RPL30: variants seen among roughly 807,000 people sequenced by gnomAD.
RPL30 encodes ribosomal protein L30.
For missense variants in RPL30, 60 were observed against 138.0 expected (o/e 0.43, Z 2.83); for synonymous variants, 40 against 50.4 (o/e 0.79, Z 0.87).
At position 98,044,801 on chromosome 8, in the gene RPL30, G is replaced by A; in HGVS notation, c.167+142C>T. ...GGGGGTGGGTCGGGGAGACGGGAATGAAGGGCCAAACACCACAATCGCTAC... is the reference window on the plus strand; with the variant it reads ...GGGGGTGGGTCGGGGAGACGGGAATAAAGGGCCAAACACCACAATCGCTAC... On this transcript the variant is annotated intron_variant, in intron 3 of 4. Transcript: ENST00000287038. The A allele has an allele frequency of 6.4e-6, 6 of 934,646 alleles. 1 individual carries two copies. Among genetic ancestry groups the A allele is most frequent in the South Asian group, 3.3e-5 (2 of 60,158 alleles). The allele number at this position is 934,646 out of a possible 1,614,324, so 57.9% of individuals were successfully genotyped here. A position where few individuals can be genotyped will look rare whatever the true frequency, so the allele number is the denominator to read the frequency against.
rs764720881 is a variant in RPL30 at position 98,042,674 on chromosome 8, C to T, written c.269G>A (p.Arg90Lys). The T allele has an allele frequency of 6.2e-7, 1 of 1,612,262 alleles. No individual in the cohort carries two copies. The highest frequency in any genetic ancestry group is 1.1e-5 in the South Asian group (1 of 90,614). ...ELGTACGKYY[R>K]VCTLAIIDPG... ...ATCAATGATAGCCAGTGTGCACACT[C>T]TGTAGTATTTTCCGCATGCTGTGCC... is the stretch of plus-strand genomic sequence containing the variant. Residue 90 changes from arginine (R) to lysine (K), a missense_variant, in exon 4 of 5, where the codon AGA becomes AAA. Transcript: ENST00000287038.
At chr8:98,042,180 T>C (rs894854206) in intron 4 of RPL30, 8 of 573,496 alleles carry the variant, frequency 1.4e-5, no homozygotes, top group African/African-American at 7.4e-5. Flanking sequence ...TAGCCTGTCC[T>C]GACTATTACA....
chr8:98,042,868 T>A, intron 3 of RPL30, 93 bp from the exon 4 acceptor site: 1 of 1,246,772 alleles, frequency 8.0e-7, no homozygotes, highest in Non-Finnish European at 1.1e-6. Flanking sequence ...TTAATGTTGT[T>A]AAGGCCTTCA....
intron 4 of RPL30, chr8:98,042,133 T>C (rs904697448): frequency 3.2e-6 from 2 of 624,512 alleles, no homozygotes; most frequent in East Asian, 3.6e-5. Flanking sequence ...AGAACTAGGT[T>C]TGGGGACACA....
At chr8:98,044,660 G>GA in intron 3 of RPL30, 1 of 370,212 alleles carries the variant, frequency 2.7e-6, no homozygotes, top group Non-Finnish European at 4.8e-6. Flanking sequence ...AAAATACATG[G>GA]AAAAAACAGT....
intron 2 of RPL30, 37 bp downstream of exon 2, chr8:98,045,310 C>G: frequency 1.2e-6 from 2 of 1,613,982 alleles, no homozygotes; most frequent in Middle Eastern, 1.7e-4. Context: ...CATCTCTCCA[C>G]GTGAATCGTC....
Position 98,042,823 on chromosome 8 carries a change from T to C in RPL30, c.168-48A>G, listed in dbSNP as rs201062098. The C allele has an allele frequency of 2.0e-6, 3 of 1,506,494 alleles. No individual in the cohort carries two copies. In the East Asian group the frequency reaches 7.1e-5, roughly 36 times the overall value. The allele number at this position is 1,506,494 out of a possible 1,614,324, so 93.3% of individuals were successfully genotyped here. On this transcript the variant is annotated intron_variant, in intron 3 of 4. Transcript: ENST00000287038. ...ATAAATAAATGCGATACCAAGTGAC[T>C]GACAGACTAAATGTTACTACTTCTT...
At chr8:98,045,169 G>A (rs1170359165) in intron 2 of RPL30, 81 bp from the exon 3 acceptor site, 3 of 1,569,076 alleles carry the variant, frequency 1.9e-6, no homozygotes, top group Non-Finnish European at 2.6e-6. Flanking sequence ...TTGAAGCCGA[G>A]CCCCTTAAAC....
rs368598780 is a variant in RPL30 at position 98,045,097 on chromosome 8, C to T, written c.22-9G>A. 210 of 1,612,876 alleles carry T rather than the reference C, an allele frequency of 1.3e-4. No homozygotes were observed. In the African/African-American group the frequency reaches 2.6e-3, roughly 20 times the overall value. On this transcript the variant is annotated splice_polypyrimidine_tract_variant and intron_variant, in intron 2 of 4. Transcript: ENST00000287038. ...GACTCCAGCGACTTTTTCTACAAAG[C>T]AAACATTAAATACGGACCTAAGGGC...
At position 98,044,973 on chromosome 8, in the gene RPL30, A is replaced by G. The variant is rs1323417646; in HGVS notation, c.137T>C (p.Val46Ala). ...KMIRQGKAKL[V>A]ILANNCPALR... ...AGCTGGGCAGTTGTTAGCGAGAATGACCAATTTCGCTTTGCCTTGTCTGAT... is the reference window on the plus strand; with the variant it reads ...AGCTGGGCAGTTGTTAGCGAGAATGGCCAATTTCGCTTTGCCTTGTCTGAT... Residue 46 changes from valine to alanine, a missense_variant, in exon 3 of 5, where the codon GTC becomes GCC. Physicochemically the swap from Val to Ala is moderately conservative, Grantham distance 64 (BLOSUM62 0). Coordinates refer to ENST00000287038, the MANE Select transcript of RPL30 (RefSeq NM_000989.4). The G allele has an allele frequency of 1.2e-6, 2 of 1,613,752 alleles. No homozygotes were observed. The highest frequency in any genetic ancestry group is 3.3e-5 in the Admixed American group (2 of 59,984).
intron 4 of RPL30, 50 bp downstream of exon 4, chr8:98,042,590 GACATT>G: frequency 3.4e-6 from 5 of 1,478,784 alleles, no homozygotes; most frequent in South Asian, 1.2e-5. Context: ...TACTTGTCCA[GACATT>G]ACATTAGAAA....
chr8:98,041,865 TAAAAAA>T lies in RPL30; in HGVS notation c.299-21_299-16del, dbSNP rs746592489. 6.4e-7 allele frequency: 1 copy of T among 1,558,786 alleles called. No individual in the cohort carries two copies. The highest frequency in any genetic ancestry group is 1.2e-5 in the South Asian group (1 of 86,386). On this transcript the variant is annotated splice_polypyrimidine_tract_variant and intron_variant, in intron 4 of 4. Transcript: ENST00000287038. ...GTCAGAGTCACCTAAAAAATAAAAA[TAAAAAA>T]ACAGTAATTTTACAATTCATTTAAT... is the stretch of plus-strand genomic sequence containing the variant.
In RPL30 at chr8:98,044,830, A is replaced by G. The variant is rs939988868; in HGVS notation, c.167+113T>C. The G allele has an allele frequency of 5.8e-6, 7 of 1,200,962 alleles. No homozygotes were observed. In the African/African-American group the frequency reaches 9.1e-5, roughly 16 times the overall value. 74.4% of individuals were successfully genotyped at this position (1,200,962 alleles called of 1,614,324 possible). Reference sequence around the variant, plus strand: ...GGCCAAACACCACAATCGCTACCGTAATTATCCTGCAAGTGTTCGAGTTCA... The same window carrying G: ...GGCCAAACACCACAATCGCTACCGTGATTATCCTGCAAGTGTTCGAGTTCA... On this transcript the variant is annotated intron_variant, in intron 3 of 4. Coordinates refer to ENST00000287038, the MANE Select transcript of RPL30 (RefSeq NM_000989.4).
rs374951962 is a variant in RPL30, at chr8:98,041,861, A to G, written c.299-11T>C. ...TGATGTCAGAGTCACCTAAAAAATA[A>G]AAATAAAAAAACAGTAATTTTACAA... On this transcript the variant is annotated splice_polypyrimidine_tract_variant and intron_variant, in intron 4 of 4. Coordinates refer to ENST00000287038, the MANE Select transcript of RPL30 (RefSeq NM_000989.4). 1 of 1,572,444 alleles carries G rather than the reference A, an allele frequency of 6.4e-7. No homozygotes were observed. The highest frequency in any genetic ancestry group is 2.2e-5 in the East Asian group (1 of 44,602).
At chr8:98,043,984 G>A (rs899486064) in intron 3 of RPL30, 3 of 152,280 alleles carry the variant, frequency 2.0e-5, no homozygotes, top group Admixed American at 6.5e-5. Flanking sequence ...ATGGTGGCAG[G>A]TGCCTGTAAT....
intron 4 of RPL30, 200 bp downstream of exon 4, chr8:98,042,445 T>C: frequency 1.9e-6 from 1 of 536,330 alleles, no homozygotes; most frequent in East Asian, 3.4e-5. Flanking sequence ...GTAAAAATTT[T>C]AACTTATAAT....
intron 2 of RPL30, 57 bp downstream of exon 2, chr8:98,045,290 C>T: frequency 1.9e-6 from 3 of 1,613,170 alleles, no homozygotes; most frequent in South Asian, 1.1e-5. Context: ...TCTGCCCGCC[C>T]TGGCCAAGAC....
rs1449502167 is a variant in RPL30, at chr8:98,045,047, A to C, written c.63T>G (p.Val21=). 6.2e-7 allele frequency: 1 copy of C among 1,614,202 alleles called. No homozygotes were observed. Among genetic ancestry groups the C allele is most frequent in the African/African-American group, 1.3e-5 (1 of 75,062 alleles). ...LESINSRLQL[V]MKSGKYVLGY... is the part of the protein sequence containing the mutation. ...CCAGGACGTACTTCCCACTTTTCAT[A>C]ACGAGTTGGAGCCTAGAGTTGATCG... The change falls in exon 3 of 5, where the codon GTT becomes GTG. Residue 21 remains valine (V), a synonymous_variant. Coordinates refer to ENST00000287038, the MANE Select transcript of RPL30 (RefSeq NM_000989.4).
intron 4 of RPL30, 76 bp from the exon 5 acceptor site, chr8:98,041,926 T>A: frequency 1.8e-6 from 2 of 1,087,060 alleles, no homozygotes; most frequent in South Asian, 1.3e-5. Flanking sequence ...TTTCTCTACC[T>A]TTGGTTATCC....
Sources: gnomAD v4.1 joint callset for allele counts on GRCh38, gnomAD v4.1.1 for gene constraint, MANE v1.5 for transcripts, NCBI Gene and HGNC (gene_info 2026-07-23, HGNC 2026-07-21) for gene names.